HAP1: variants seen among roughly 807,000 people sequenced by gnomAD.
The protein encoded by HAP1 is huntingtin associated protein 1.
Under a neutral mutation model 60.3 loss-of-function variants are expected in HAP1, and 59 were observed. That is an observed-to-expected ratio of 0.98 (90% CI 0.79 to 1.22). The LOEUF is 1.22. HAP1 is among the 50% of genes most tolerant of loss of function. The pLI, the probability that HAP1 is intolerant of heterozygous loss-of-function variation, is 0.00. For synonymous variants in HAP1, 346 were observed against 330.6 expected (o/e 1.05, Z -0.50); for missense variants, 825 against 785.3 (o/e 1.05, Z -0.60).
intron 1 of HAP1, 139 bp from the exon 2 acceptor site, chr17:41,732,937 C>A: frequency 1.5e-6 from 1 of 652,282 alleles, no homozygotes; most frequent in Non-Finnish European, 2.8e-6. Context: ...GGGCTCCCCT[C>A]CTGCCCCCCA....
rs1478678716 is a variant in HAP1 at position 41,734,363 on chromosome 17, C to T, written c.272G>A (p.Gly91Glu). ...ATTGTCGGGCATAGACCGGACATCC[C>T]CTTGGATGGCCGAGAATGCGGACGG... Reference protein sequence around the residue: ...RRPSAFSAIQGDVRSMPDNSD... With the variant: ...RRPSAFSAIQEDVRSMPDNSD... Residue 91 changes from glycine (G) to glutamate (E), a missense_variant, in exon 1 of 11, where the codon GGG (glycine) becomes GAG (glutamate). Gly to Glu is a moderately conservative substitution (Grantham distance 98, BLOSUM62 -2). Coordinates refer to ENST00000347901, the MANE Select transcript of HAP1 (RefSeq NM_177977.3). The T allele has an allele frequency of 6.2e-7, 1 of 1,607,354 alleles. No individual in the cohort carries two copies. The highest frequency in any genetic ancestry group is 1.1e-5 in the South Asian group (1 of 90,910).
rs150516785 is a variant in HAP1 at position 41,732,414 on chromosome 17, CAGAG to C, written c.550-24_550-21del. 2,158 of 1,612,696 alleles carry C rather than the reference CAGAG, an allele frequency of 1.3e-3. 28 individuals carry two copies. In the African/African-American group the frequency reaches 0.026, roughly 20 times the overall value. Reference sequence around the variant, plus strand: ...GAGAAGCTGGGGGGGACACAGGGGTCAGAGAGAGGCTAGGCCCCTAAGAGAACCT... The same window carrying C: ...GAGAAGCTGGGGGGGACACAGGGGTCAGAGGCTAGGCCCCTAAGAGAACCT... On this transcript the variant is annotated intron_variant, in intron 2 of 10. Coordinates refer to ENST00000347901, the MANE Select transcript of HAP1 (RefSeq NM_177977.3).
At chr17:41,726,590 T>C (rs8068127) in intron 9 of HAP1, among the ~76,000 whole-genome samples, 8,423 of 146,634 alleles carry the variant, frequency 0.057, 657 homozygotes, top group African/African-American at 0.18. Context: ...AGGCTGGGCA[T>C]GATGGCTCAC....
rs1302749871 is a variant in HAP1 at position 41,722,902 on chromosome 17, G to C, written c.*1799C>G. The C allele has an allele frequency of 3.3e-5, 5 of 152,534 alleles. No homozygotes were observed. Among genetic ancestry groups the C allele is most frequent in the African/African-American group, 1.2e-4 (5 of 41,410 alleles). 9.4% of individuals were successfully genotyped at this position (152,534 alleles called of 1,614,324 possible). ...ACACCCCCAGGCCACTGGCAGAAGA[G>C]GGAGGGAGGGAGAGGAGACACACCA... On this transcript the variant is annotated 3_prime_UTR_variant, in exon 11 of 11. Transcript: ENST00000347901.
At chr17:41,733,352 C>CTATTTTTT (rs1912412235) in intron 1 of HAP1, among the ~76,000 whole-genome samples, 1 of 74,676 alleles carries the variant, frequency 1.3e-5, no homozygotes, top group East Asian at 4.5e-4. Context: ...CCGCGCCCGG[C>CTATTTTTT]TTTTTTTTTT....
At chr17:41,729,734 G>A (rs1453843082) in intron 6 of HAP1, among the ~76,000 whole-genome samples, 6 of 143,504 alleles carry the variant, frequency 4.2e-5, no homozygotes, top group Non-Finnish European at 7.6e-5. Context: ...AAATTAGCTG[G>A]GCACGGTAGC....
rs782122924 is a variant in HAP1, at chr17:41,732,069, AG to A, written c.763del (p.Leu255SerfsTer45). The part of the protein sequence containing the change: ...QVNLRDELLQ[L>X]YSDSDEEDED... ...ATCCTCCTCATCAGAATCTGAGTAG[AG>A]CTGGAGGAGCTCATCCCGCAAGTTC... is the stretch of plus-strand genomic sequence containing the variant. On this transcript the variant is annotated frameshift_variant, in exon 4 of 11. Transcript: ENST00000347901. LOFTEE classifies it high-confidence loss of function. The A allele has an allele frequency of 6.2e-7, 1 of 1,611,688 alleles. No individual in the cohort carries two copies. The highest frequency in any genetic ancestry group is 8.5e-7 in the Non-Finnish European group (1 of 1,177,876).
chr17:41,730,125 GAA>G lies in HAP1; in HGVS notation c.1069+1366_1069+1367del, dbSNP rs55721039. On this transcript the variant is annotated intron_variant, in intron 6 of 10. Transcript: ENST00000347901. Reference sequence around the variant, plus strand: ...AAAGAAAAGAAAAGAAAGAAAGAAAGAAAAAATGAGGTCTTGCCAGGTTCCCA... The same window carrying G: ...AAAGAAAAGAAAAGAAAGAAAGAAAGAAAATGAGGTCTTGCCAGGTTCCCA... 2.5e-4 allele frequency: 6 copies of G among 23,942 alleles called. 3 individuals carry two copies. The highest frequency in any genetic ancestry group is 3.5e-3 in the South Asian group (2 of 570). The allele number at this position is 23,942 out of a possible 1,614,324, so 1.5% of individuals were successfully genotyped here.
Position 41,734,584 on chromosome 17 carries a change from G to T in HAP1, c.51C>A (p.Pro17=). The change falls in exon 1 of 11, where the codon CCC becomes CCA. Residue 17 remains proline, a synonymous_variant. Transcript: ENST00000347901. ...CACAGGTGAGTGCTGCTGGGTCCCC[G>T]GGTCCGAGCCGGCTCCCCGCGCAGC... ...GRCCAGSRLG[P]GDPAALTCAP... The T allele has an allele frequency of 6.3e-7, 1 of 1,584,778 alleles. No individual in the cohort carries two copies. Among genetic ancestry groups the T allele is most frequent in the Non-Finnish European group, 8.6e-7 (1 of 1,166,252 alleles).
rs1567787769 is a variant in HAP1, at chr17:41,734,575, T to TGGGTCCCCGGGTCCGAGCC, written c.41_59dup (p.Ala22ArgfsTer131). 6 of 1,596,202 alleles carry TGGGTCCCCGGGTCCGAGCC rather than the reference T, an allele frequency of 3.8e-6. No individual in the cohort carries two copies. Among genetic ancestry groups the TGGGTCCCCGGGTCCGAGCC allele is most frequent in the Admixed American group, 3.4e-5 (2 of 59,076 alleles). ...GCGAAGGTGCACAGGTGAGTGCTGC[T>TGGGTCCCCGGGTCCGAGCC]GGGTCCCCGGGTCCGAGCCGGCTCC... On this transcript the variant is annotated frameshift_variant, in exon 1 of 11. Transcript: ENST00000347901. LOFTEE classifies it high-confidence loss of function.
rs1555588418 is a variant in HAP1, at chr17:41,725,074, A to G, written c.1487T>C (p.Ile496Thr). Reference sequence around the variant, plus strand: ...AGGCGTGAAATCTTCCCCCCGCATGATATCCGCTGCCAGCATCAACCCTTC... The same window carrying G: ...AGGCGTGAAATCTTCCCCCCGCATGGTATCCGCTGCCAGCATCAACCCTTC... The part of the protein sequence containing the change: ...AEEGLMLAAD[I>T]MRGEDFTPAE... The change falls in exon 11 of 11, where the codon ATC becomes ACC. Residue 496 changes from isoleucine (I) to threonine (T), a missense_variant. Coordinates refer to ENST00000347901, the MANE Select transcript of HAP1 (RefSeq NM_177977.3). 3 of 1,612,470 alleles carry G rather than the reference A, an allele frequency of 1.9e-6. No homozygotes were observed. The East Asian group carries it at 6.7e-5, about 36-fold the overall frequency.
At position 41,731,955 on chromosome 17, in the gene HAP1, G is replaced by C. The variant is rs1912236995; in HGVS notation, c.878C>G (p.Pro293Arg). The C allele has an allele frequency of 1.0e-6, 1 of 955,580 alleles. No individual in the cohort carries two copies. Among genetic ancestry groups the C allele is most frequent in the Non-Finnish European group, 1.7e-6 (1 of 599,360 alleles). 59.2% of individuals were successfully genotyped at this position (955,580 alleles called of 1,614,324 possible). Residue 293 changes from proline to arginine, a missense_variant, in exon 4 of 11, where the codon CCC becomes CGC. Coordinates refer to ENST00000347901, the MANE Select transcript of HAP1 (RefSeq NM_177977.3). ...AACTCACAGCTTAGGGGCATCACAG[G>C]GATGAGCACACTGCAGGTCTTCCTC... Reference protein sequence around the residue: ...EAEEDLQCAHPCDAPKLISQE... With the variant: ...EAEEDLQCAHRCDAPKLISQE...
At position 41,727,000 on chromosome 17, in the gene HAP1, C is replaced by G. The variant is rs1187336294; in HGVS notation, c.1367+53G>C. The stretch of plus-strand genomic sequence containing the variant: ...AGAGTGTGAGGGCAAACCCCCTCCC[C>G]ACTACAGGAAAGGCCATGGCCTATG... On this transcript the variant is annotated intron_variant, in intron 9 of 10. Transcript: ENST00000347901. 3.3e-6 allele frequency: 3 copies of G among 899,908 alleles called. No individual in the cohort carries two copies. In the Admixed American group the frequency reaches 6.2e-5, roughly 18 times the overall value. 55.7% of individuals were successfully genotyped at this position (899,908 alleles called of 1,614,324 possible). A position where few individuals can be genotyped will look rare whatever the true frequency, so the allele number is the denominator to read the frequency against.
chr17:41,732,154 G>A, intron 3 of HAP1, 36 bp from the exon 4 acceptor site: 1 of 1,611,228 alleles, frequency 6.2e-7, no homozygotes. Context: ...GGTTGGGAGT[G>A]GGCAGGGACA....
chr17:41,729,833 G>C (rs1555590120), intron 6 of HAP1, among the ~76,000 whole-genome samples: 1 of 130,758 alleles, frequency 7.6e-6, no homozygotes, highest in Non-Finnish European at 1.6e-5. Flanking sequence ...CTGAGATCAT[G>C]ACATTGCTCT....
intron 7 of HAP1, 42 bp from the exon 8 acceptor site, chr17:41,727,878 C>T (rs1414533306): frequency 8.1e-7 from 1 of 1,230,278 alleles, no homozygotes; most frequent in Non-Finnish European, 1.2e-6. Context: ...CTGAGGCCTA[C>T]CCACTCAGGG....
chr17:41,727,086 C>T lies in HAP1; in HGVS notation c.1334G>A (p.Arg445Lys). The change falls in exon 9 of 11, where the codon AGG (arginine) becomes AAG (lysine). Residue 445 changes from arginine (R) to lysine (K), a missense_variant. Arg to Lys is a conservative substitution (Grantham distance 26). Transcript: ENST00000347901. ...LAEELRTSLR[R>K]MISDPVYFME... ...AAAATACACAGGGTCTGAGATCATCCTCCTTAGAGACGTTCTGAGCTCCTC... is the reference window on the plus strand; with the variant it reads ...AAAATACACAGGGTCTGAGATCATCTTCCTTAGAGACGTTCTGAGCTCCTC... The T allele has an allele frequency of 6.3e-7, 1 of 1,586,324 alleles. No homozygotes were observed.
At chr17:41,733,376 T>TTA (rs1488293614) in intron 1 of HAP1, among the ~76,000 whole-genome samples, 3 of 134,564 alleles carry the variant, frequency 2.2e-5, no homozygotes, top group Admixed American at 1.5e-4. Flanking sequence ...TTTTTTTTTT[T>TTA]ACCCCTGGAG....
At position 41,728,314 on chromosome 17, in the gene HAP1, T is replaced by C. The variant is rs560726878; in HGVS notation, c.1087A>G (p.Met363Val). Reference sequence around the variant, plus strand: ...ACCAGCACCTCCGACAGCTCAGCCATCTGTTGGCTGGCCTCCGCTGGGGAG... The same window carrying C: ...ACCAGCACCTCCGACAGCTCAGCCACCTGTTGGCTGGCCTCCGCTGGGGAG... ...VEQFSEASQQ[M>V]AELSEVLVLR... is the part of the protein sequence containing the mutation. The change falls in exon 7 of 11, where the codon ATG (methionine) becomes GTG (valine). Residue 363 changes from methionine to valine, a missense_variant. Coordinates refer to ENST00000347901, the MANE Select transcript of HAP1 (RefSeq NM_177977.3). 5 of 1,613,510 alleles carry C rather than the reference T, an allele frequency of 3.1e-6. No homozygotes were observed. The Admixed American group carries it at 6.7e-5, about 22-fold the overall frequency.
Sources: gnomAD v4.1 joint callset for allele counts (sites outside exome capture counted in the v4.1 genomes callset) on GRCh38, gnomAD v4.1.1 for gene constraint, MANE v1.5 for transcripts, NCBI Gene and HGNC (gene_info 2026-07-23, HGNC 2026-07-21) for gene names.